PI4K2B: variants seen among roughly 807,000 people sequenced by gnomAD.
PI4K2B encodes phosphatidylinositol 4-kinase type 2-beta.
Under a neutral mutation model 56.6 loss-of-function variants are expected in PI4K2B, and 46 were observed. The observed-to-expected ratio is 0.81, with a 90% CI of 0.64 to 1.04. The LOEUF (loss-of-function observed/expected upper bound fraction) is 1.04, where lower values mean the gene tolerates loss of function less well. Among genes scored for constraint, PI4K2B ranks in the 50% least tolerant of loss-of-function variants. PI4K2B has a pLI of 0.00. For synonymous variants in PI4K2B, 211 were observed against 223.8 expected (o/e 0.94, Z 0.51); for missense variants, 556 against 607.7 (o/e 0.91, Z 0.89).
At chr4:25,249,435 G>A (rs139839799) in intron 1 of PI4K2B, among the ~76,000 whole-genome samples, 2,527 of 35,138 alleles carry the variant, frequency 0.072, 56 homozygotes, top group East Asian at 0.09. Flanking sequence ...CTGGCCGGGC[G>A]GGGGCTGCCC....
At chr4:25,239,649 C>T (rs900027790) in intron 1 of PI4K2B, among the ~76,000 whole-genome samples, 1 of 152,234 alleles carries the variant, frequency 6.6e-6, no homozygotes, top group African/African-American at 2.4e-5. Context: ...GGAGCTGGCT[C>T]TGGCCTCAGC....
intron 9 of PI4K2B, among the ~76,000 whole-genome samples, chr4:25,272,679 TAAG>T (rs1026917262): frequency 1.7e-4 from 26 of 152,014 alleles, no homozygotes; most frequent in African/African-American, 5.8e-4. Flanking sequence ...CCTCATCTCT[TAAG>T]AAGAAGGGAA....
At chr4:25,275,232 A>C (rs187234187) in intron 9 of PI4K2B, among the ~76,000 whole-genome samples, 1 of 152,376 alleles carries the variant, frequency 6.6e-6, no homozygotes, top group East Asian at 1.9e-4. Context: ...AAACCCAAAG[A>C]GGAAACTAAC....
intron 7 of PI4K2B, among the ~76,000 whole-genome samples, chr4:25,268,199 T>A (rs1046131804): frequency 1.3e-5 from 2 of 152,224 alleles, no homozygotes; most frequent in African/African-American, 4.8e-5. Flanking sequence ...CTATTTGAGA[T>A]AGATTCATTA....
chr4:25,238,056 AATG>A (rs1715341407), intron 1 of PI4K2B, among the ~76,000 whole-genome samples: 1 of 152,220 alleles, frequency 6.6e-6, no homozygotes, highest in South Asian at 2.1e-4. Context: ...TAAGTCATTT[AATG>A]ATTCATGGTG....
chr4:25,256,758 C>A, intron 4 of PI4K2B, 84 bp downstream of exon 4: 4 of 1,247,250 alleles, frequency 3.2e-6, no homozygotes, highest in Middle Eastern at 1.9e-4. Flanking sequence ...GTGCTATTAG[C>A]TGTGGATATT....
chr4:25,255,780 T>C (rs1716242018), intron 3 of PI4K2B, among the ~76,000 whole-genome samples: 1 of 151,968 alleles, frequency 6.6e-6, no homozygotes, highest in Admixed American at 6.5e-5. Flanking sequence ...ATCTTTTCTC[T>C]TTATCATGGC....
chr4:25,259,253 T>C (rs967692486), intron 5 of PI4K2B, 63 bp downstream of exon 5: 26 of 1,144,812 alleles, frequency 2.3e-5, no homozygotes, highest in African/African-American at 2.2e-4. Context: ...ATTCTTGTTA[T>C]CCAAATCAAA....
rs530213496 is a variant in PI4K2B, at chr4:25,252,167, G to A, written c.269-154G>A. On this transcript the variant is annotated intron_variant, in intron 1 of 9. Transcript: ENST00000264864. ...TATTTGGAAATTTAAGAGAAGTGGG[G>A]GTTGTTAGGCAGTGGGGGGAAGGAG... Among the ~76,000 whole-genome samples, 5 of 152,114 alleles carry A rather than the reference G, an allele frequency of 3.3e-5. 1 individual carries two copies. Among genetic ancestry groups the A allele is most frequent in the African/African-American group, 9.6e-5 (4 of 41,472 alleles).
intron 2 of PI4K2B, chr4:25,254,580 A>C (rs1716184760): frequency 6.6e-6 from 1 of 151,940 alleles, no homozygotes; most frequent in Non-Finnish European, 1.5e-5. Flanking sequence ...CGCCCGGCTA[A>C]TTTTTTGTAT....
intron 2 of PI4K2B, among the ~76,000 whole-genome samples, chr4:25,253,262 T>C (rs896315970): frequency 6.6e-6 from 1 of 152,188 alleles, no homozygotes; most frequent in Non-Finnish European, 1.5e-5. Flanking sequence ...GAAAGTGAAA[T>C]GAACCACAGG....
intron 9 of PI4K2B, among the ~76,000 whole-genome samples, chr4:25,273,083 C>T (rs1716962880): frequency 6.6e-6 from 1 of 151,816 alleles, no homozygotes; most frequent in Admixed American, 6.6e-5. Flanking sequence ...ATATCAATGG[C>T]GTGCTCTAAT....
At position 25,277,149 on chromosome 4, in the gene PI4K2B, A is replaced by G. The variant is rs946100415; in HGVS notation, c.1408A>G (p.Thr470Ala). The G allele has an allele frequency of 5.0e-6, 8 of 1,613,158 alleles. No individual in the cohort carries two copies. Among genetic ancestry groups the G allele is most frequent in the Non-Finnish European group, 5.9e-6 (7 of 1,179,406 alleles). ...IVHLSNSFTQ[T>A]VNCRKPFFSS... ...CCACCTGAGCAATTCCTTTACCCAG[A>G]CTGTCAATTGCAGGAAGCCATTTTT... Residue 470 changes from threonine to alanine, a missense_variant, in exon 10 of 10, where the codon ACT becomes GCT. Transcript: ENST00000264864.
At chr4:25,256,917 G>A (rs1209939969) in intron 4 of PI4K2B, among the ~76,000 whole-genome samples, 14 of 151,052 alleles carry the variant, frequency 9.3e-5, no homozygotes, top group African/African-American at 2.9e-4. Context: ...GGTGTTTCCA[G>A]GAAGAGGTTG....
intron 7 of PI4K2B, 33 bp downstream of exon 7, chr4:25,263,882 A>G (rs1470429821): frequency 4.4e-6 from 4 of 917,170 alleles, no homozygotes; most frequent in Non-Finnish European, 6.9e-6. Context: ...AGAGTCTATA[A>G]TTACCTTTTT....
At chr4:25,249,125 G>A (rs896091099) in intron 1 of PI4K2B, among the ~76,000 whole-genome samples, 2 of 152,244 alleles carry the variant, frequency 1.3e-5, no homozygotes, top group Admixed American at 6.5e-5. Flanking sequence ...GCGCCGGGTT[G>A]GGGGTAAGGT....
intron 3 of PI4K2B, 45 bp downstream of exon 3, chr4:25,255,310 C>T: frequency 7.0e-7 from 1 of 1,433,736 alleles, no homozygotes; most frequent in Non-Finnish European, 9.8e-7. Context: ...AATTTACAAC[C>T]TGCTTATATC....
intron 1 of PI4K2B, among the ~76,000 whole-genome samples, chr4:25,241,965 T>A (rs1257807600): frequency 2.0e-5 from 3 of 152,172 alleles, no homozygotes; most frequent in African/African-American, 7.2e-5. Flanking sequence ...TTTCCTTGTT[T>A]AGAGTATAGA....
At chr4:25,236,554 A>G (rs1715270856) in intron 1 of PI4K2B, among the ~76,000 whole-genome samples, 1 of 151,766 alleles carries the variant, frequency 6.6e-6, no homozygotes. Flanking sequence ...CTTTGTCTCA[A>G]AAAAAAAATT....
Sources: allele counts gnomAD v4.1 joint callset (sites outside exome capture counted in the v4.1 genomes callset), GRCh38; gene constraint gnomAD v4.1.1; transcripts MANE v1.5; gene names NCBI Gene and HGNC (gene_info 2026-07-23, HGNC 2026-07-21).